Variants in MBNL2 observed in about 807,000 individuals in gnomAD.
MBNL2 encodes muscleblind-like protein 2.
A neutral mutation model predicts 41.9 loss-of-function variants in MBNL2; 17 were observed. The ratio of observed to expected loss-of-function variants is 0.41; its 90% CI spans 0.28 to 0.61. MBNL2 has a LOEUF of 0.61. Ranked by LOEUF, MBNL2 falls within the 20% of genes least tolerant of loss-of-function variation. The pLI is 0.35. For missense variants in MBNL2, 336 were observed against 505.6 expected (o/e 0.66, Z 3.22); for synonymous variants, 195 against 182.9 (o/e 1.07, Z -0.53).
intron 1 of MBNL2, among the ~76,000 whole-genome samples, chr13:97,255,173 A>C (rs949881988): frequency 6.6e-6 from 1 of 152,162 alleles, no homozygotes; most frequent in South Asian, 2.1e-4. Context: ...GCTGTTCACT[A>C]TCTCAAGTTT....
intron 2 of MBNL2, among the ~76,000 whole-genome samples, chr13:97,296,444 C>CT (rs1006441604): frequency 1.3e-5 from 2 of 152,060 alleles, no homozygotes; most frequent in Non-Finnish European, 2.9e-5. Context: ...TATCAAGGTG[C>CT]TTTTTTTATA....
the MBNL2 span, among the ~76,000 whole-genome samples, chr13:97,170,396 T>A: frequency 6.6e-6 from 1 of 152,192 alleles, no homozygotes; most frequent in East Asian, 1.9e-4. Context: ...TCCCTGCCAG[T>A]TGCACAAACA....
chr13:97,157,055 C>A, the MBNL2 span, among the ~76,000 whole-genome samples: 4 of 148,098 alleles, frequency 2.7e-5, no homozygotes, highest in African/African-American at 5.0e-5. Context: ...TTGTTTGTAT[C>A]CTCTTTTATT....
At chr13:97,260,799 T>C (rs1594109616) in intron 1 of MBNL2, among the ~76,000 whole-genome samples, 1 of 152,246 alleles carries the variant, frequency 6.6e-6, no homozygotes, top group Non-Finnish European at 1.5e-5. Flanking sequence ...CTGCCTGTGT[T>C]CCAGCCATTC....
chr13:97,289,701 G>T (rs2055422852), intron 2 of MBNL2, among the ~76,000 whole-genome samples: 1 of 152,162 alleles, frequency 6.6e-6, no homozygotes, highest in Non-Finnish European at 1.5e-5. Flanking sequence ...GGAGAGGCGA[G>T]GACCTTGCTT....
chr13:97,187,723 C>T, the MBNL2 span, among the ~76,000 whole-genome samples: 1 of 150,142 alleles, frequency 6.7e-6, no homozygotes, highest in African/African-American at 2.4e-5. Flanking sequence ...CTGGCTAACA[C>T]ACTGAAACCC....
chr13:97,197,806 A>T, the MBNL2 span, among the ~76,000 whole-genome samples: 6 of 152,226 alleles, frequency 3.9e-5, no homozygotes, highest in African/African-American at 1.4e-4. Flanking sequence ...GTTATTAACT[A>T]CTTAAGCATT....
At chr13:97,242,596 C>T (rs1285087364) in intron 1 of MBNL2, among the ~76,000 whole-genome samples, 2 of 152,112 alleles carry the variant, frequency 1.3e-5, no homozygotes, top group African/African-American at 4.8e-5. Context: ...CCATGTGGAA[C>T]ACAGAAACAT....
At chr13:97,234,663 A>G (rs930673064) in intron 1 of MBNL2, among the ~76,000 whole-genome samples, 35 of 152,224 alleles carry the variant, frequency 2.3e-4, no homozygotes, top group Admixed American at 1.3e-4. Context: ...AAAATTACCC[A>G]CAAGGACAAT....
chr13:97,182,108 T>C, the MBNL2 span, among the ~76,000 whole-genome samples: 1 of 152,232 alleles, frequency 6.6e-6, no homozygotes, highest in South Asian at 2.1e-4. Context: ...TGATGTATTT[T>C]ACTTTGACTA....
In MBNL2 at chr13:97,336,618, G is replaced by C. The variant is rs554598486; in HGVS notation, c.339+2178G>C. The stretch of plus-strand genomic sequence containing the variant: ...AGAGGAATGCCAGCAACCACCAGAA[G>C]ATGGAAGAGTCAAGAAATGGATTCT... On this transcript the variant is annotated intron_variant, in intron 3 of 8. Coordinates refer to ENST00000679496, the MANE Select transcript of MBNL2 (RefSeq NM_001382683.1). 1.1e-3 allele frequency among the ~76,000 whole-genome samples: 175 copies of C among 152,268 alleles called. 2 individuals carry two copies. The highest frequency in any genetic ancestry group is 1.2e-3 in the Admixed American group (18 of 15,304).
rs376967986 is a variant in MBNL2, at chr13:97,233,126, CATATATATATATATATATATATATATAT to C, written c.-605+10618_-605+10645del. Among the ~76,000 whole-genome samples the C allele has an allele frequency of 9.3e-3, 372 of 39,798 alleles. 3 individuals carry two copies. Among genetic ancestry groups the C allele is most frequent in the African/African-American group, 0.024 (248 of 10,314 alleles). 26.1% of individuals were successfully genotyped at this position (39,798 alleles called of 152,430 possible). On this transcript the variant is annotated intron_variant, in intron 1 of 8. Transcript: ENST00000679496. ...GATGCTCTCGCTTCAGGCTCTTTTT[CATATATATATATATATATATATATATAT>C]ATATATATATATATATATATATCTT... is the stretch of plus-strand genomic sequence containing the variant.
chr13:97,301,159 T>A (rs1252301181), intron 2 of MBNL2, among the ~76,000 whole-genome samples: 1 of 152,214 alleles, frequency 6.6e-6, no homozygotes, highest in Non-Finnish European at 1.5e-5. Flanking sequence ...GTGATATTTG[T>A]CTAGACATAA....
At chr13:97,280,225 C>A (rs1298336385) in intron 2 of MBNL2, among the ~76,000 whole-genome samples, 4 of 152,134 alleles carry the variant, frequency 2.6e-5, no homozygotes, top group Non-Finnish European at 5.9e-5. Flanking sequence ...TTTCCAGATT[C>A]TTTTTCCTGT....
chr13:97,232,486 C>A (rs191205322), intron 1 of MBNL2, among the ~76,000 whole-genome samples: 1 of 152,148 alleles, frequency 6.6e-6, no homozygotes, highest in Admixed American at 6.5e-5. Flanking sequence ...TCAGTTAAAC[C>A]TTTTCATGAA....
At chr13:97,166,843 G>T in the MBNL2 span, among the ~76,000 whole-genome samples, 4 of 150,882 alleles carry the variant, frequency 2.7e-5, no homozygotes, top group Admixed American at 6.6e-5. Flanking sequence ...TAGATAGAAA[G>T]ATAGATAGAG....
the MBNL2 span, among the ~76,000 whole-genome samples, chr13:97,164,245 C>T: frequency 6.6e-6 from 1 of 152,184 alleles, no homozygotes; most frequent in Non-Finnish European, 1.5e-5. Flanking sequence ...TGGACTCAAG[C>T]GATCCACTCT....
chr13:97,248,033 A>G (rs1220459459), intron 1 of MBNL2, among the ~76,000 whole-genome samples: 1 of 152,172 alleles, frequency 6.6e-6, no homozygotes, highest in Non-Finnish European at 1.5e-5. Context: ...TCCTTTCCAT[A>G]TTTATTATCT....
intron 5 of MBNL2, among the ~76,000 whole-genome samples, chr13:97,354,910 T>G (rs2062850296): frequency 6.6e-6 from 1 of 152,192 alleles, no homozygotes; most frequent in Non-Finnish European, 1.5e-5. Flanking sequence ...AACGATCCAG[T>G]TCATGTTCTC....
Sources: allele counts gnomAD v4.1 joint callset (sites outside exome capture counted in the v4.1 genomes callset), GRCh38; gene constraint gnomAD v4.1.1; transcripts MANE v1.5; gene names NCBI Gene and HGNC (gene_info 2026-07-23, HGNC 2026-07-21).